The following PDE8B variants were observed in gnomAD, a reference collection of about 807,000 sequenced individuals.
The protein encoded by PDE8B is phosphodiesterase 8B, also known as high affinity cAMP-specific and IBMX-insensitive 3',5'-cyclic phosphodiesterase 8B.
PDE8B carries 26 observed loss-of-function variants against 101.3 expected under a neutral mutation model. The observed-to-expected ratio is 0.26, with a 90% CI of 0.19 to 0.36. PDE8B has a LOEUF of 0.36. PDE8B is among the 10% of genes least tolerant of loss of function. The probability of loss-of-function intolerance (pLI) is 1.00; values close to 1 mark genes in which losing one functional copy is unlikely to be tolerated. For missense variants in PDE8B, 810 were observed against 1,163.1 expected (o/e 0.70, Z 4.42); for synonymous variants, 424 against 429.3 (o/e 0.99, Z 0.15).
chr5:77,265,819 T>G (rs534599225), intron 1 of PDE8B, among the ~76,000 whole-genome samples: 1 of 152,232 alleles, frequency 6.6e-6, no homozygotes, highest in Admixed American at 6.5e-5. Context: ...TTAAATATCC[T>G]TCATATAAAA....
rs1794888028 is a variant in PDE8B, at chr5:77,413,164, T to G, written c.1766T>G (p.Phe589Cys). Residue 589 changes from phenylalanine (F) to cysteine (C), a missense_variant, in exon 17 of 22, where the codon TTT becomes TGT. By Grantham distance (205) the Phe-to-Cys change is radical. Around this residue, in one of 4 missense-constraint regions of PDE8B, gnomAD observed 325 missense variants for 560.9 expected, o/e 0.58. Transcript: ENST00000264917. Reference protein sequence around the residue: ...KVFSRFGVCEFLNCSETTLRA... With the variant: ...KVFSRFGVCECLNCSETTLRA... ...TTCTCTCGGTTTGGAGTATGTGAAT[T>G]TTTAAACTGTTCTGAAACCACTCTT... The G allele has an allele frequency of 6.2e-7, 1 of 1,613,900 alleles. No individual in the cohort carries two copies. Among genetic ancestry groups the G allele is most frequent in the South Asian group, 1.1e-5 (1 of 91,084 alleles).
intron 6 of PDE8B, among the ~76,000 whole-genome samples, chr5:77,341,261 G>A (rs1052346186): frequency 2.0e-5 from 3 of 152,098 alleles, no homozygotes; most frequent in East Asian, 1.9e-4. Context: ...TGTTTGTTGT[G>A]GGGGGCAGGG....
At chr5:77,336,175 T>G (rs776905797) in intron 5 of PDE8B, among the ~76,000 whole-genome samples, 1 of 152,218 alleles carries the variant, frequency 6.6e-6, no homozygotes, top group Non-Finnish European at 1.5e-5. Context: ...TCACTAAGTT[T>G]ATTTATAAAT....
intron 1 of PDE8B, among the ~76,000 whole-genome samples, chr5:77,231,518 T>C (rs1279106224): frequency 6.6e-6 from 1 of 152,220 alleles, no homozygotes; most frequent in Non-Finnish European, 1.5e-5. Flanking sequence ...TGTGTGATAA[T>C]CAGAGAAAGT....
the PDE8B span, chr5:77,139,214 G>GC: frequency 2.0e-5 from 3 of 152,228 alleles, no homozygotes; most frequent in African/African-American, 4.8e-5. Flanking sequence ...TCTGCAGGGA[G>GC]CCCCCCTGGA....
chr5:77,096,898 T>C, the PDE8B span, among the ~76,000 whole-genome samples: 1 of 152,168 alleles, frequency 6.6e-6, no homozygotes. Context: ...TATTTCCAGG[T>C]AAGGTCACAC....
intron 1 of PDE8B, among the ~76,000 whole-genome samples, chr5:77,306,384 C>T (rs573252284): frequency 2.0e-5 from 3 of 152,266 alleles, no homozygotes; most frequent in East Asian, 3.9e-4. Context: ...GTGAAAAAGA[C>T]AGAGACTATG....
At chr5:77,148,781 T>G in the PDE8B span, among the ~76,000 whole-genome samples, 1 of 152,216 alleles carries the variant, frequency 6.6e-6, no homozygotes, top group Non-Finnish European at 1.5e-5. Context: ...CAAAAGTCCT[T>G]TATCAAGTCT....
Position 77,409,040 on chromosome 5 carries a change from G to GT in PDE8B, c.1515dup (p.Gly506TrpfsTer6). The GT allele has an allele frequency of 2.5e-6, 4 of 1,613,998 alleles. No homozygotes were observed. The highest frequency in any genetic ancestry group is 1.3e-5 in the African/African-American group (1 of 75,038). ...TGAAGATCCCCACACCAGTGATCTT[G>GT]TTGGAGGCCTGATGACTGTGAGTGA... is the stretch of plus-strand genomic sequence containing the variant. On this transcript the variant is annotated frameshift_variant, in exon 14 of 22. Coordinates refer to ENST00000264917, the MANE Select transcript of PDE8B (RefSeq NM_003719.5). LOFTEE classifies it high-confidence loss of function.
chr5:77,362,138 G>A (rs1227834079), intron 10 of PDE8B, among the ~76,000 whole-genome samples: 2 of 152,192 alleles, frequency 1.3e-5, no homozygotes, highest in Admixed American at 6.5e-5. Flanking sequence ...TGGGAAAGCA[G>A]CAATAGATGA....
the PDE8B span, among the ~76,000 whole-genome samples, chr5:77,156,145 C>A: frequency 6.6e-6 from 1 of 152,132 alleles, no homozygotes; most frequent in East Asian, 1.9e-4. Context: ...TGATTAACAG[C>A]AGAGAGAGGT....
chr5:77,206,240 A>G (rs1356229162), upstream of PDE8B, among the ~76,000 whole-genome samples: 1 of 152,218 alleles, frequency 6.6e-6, no homozygotes, highest in East Asian at 1.9e-4. Flanking sequence ...CCATCAGTGA[A>G]TAAGAAGCCC....
At chr5:77,302,282 G>A (rs190141634) in intron 1 of PDE8B, among the ~76,000 whole-genome samples, 53 of 152,296 alleles carry the variant, frequency 3.5e-4, no homozygotes, top group African/African-American at 1.1e-3. Context: ...GGCACAGTGG[G>A]ATGTAGCATC....
chr5:77,364,453 C>T (rs1007599848), intron 10 of PDE8B, among the ~76,000 whole-genome samples: 1 of 152,130 alleles, frequency 6.6e-6, no homozygotes, highest in South Asian at 2.1e-4. Context: ...GGTATGGTTT[C>T]CTCTAGTGCC....
chr5:77,137,875 AG>A, the PDE8B span, among the ~76,000 whole-genome samples: 2 of 152,174 alleles, frequency 1.3e-5, no homozygotes, highest in African/African-American at 4.8e-5. Flanking sequence ...AGTCTGAGAA[AG>A]GCAAGGAGGA....
chr5:77,092,955 T>C, the PDE8B span, among the ~76,000 whole-genome samples: 2 of 152,144 alleles, frequency 1.3e-5, no homozygotes, highest in Non-Finnish European at 2.9e-5. Flanking sequence ...AAAATATTTA[T>C]CAAGATTGTC....
intron 10 of PDE8B, among the ~76,000 whole-genome samples, chr5:77,365,832 A>G (rs1380762080): frequency 6.6e-6 from 1 of 152,186 alleles, no homozygotes; most frequent in African/African-American, 2.4e-5. Flanking sequence ...TCCAGCACTT[A>G]GCATGAAGCC....
the PDE8B span, among the ~76,000 whole-genome samples, chr5:77,154,958 G>A: frequency 6.6e-6 from 1 of 152,174 alleles, no homozygotes; most frequent in Non-Finnish European, 1.5e-5. Flanking sequence ...GAGTCTGGAT[G>A]TTGCAGACTT....
At chr5:77,208,962 C>G (rs935945879), upstream of PDE8B, among the ~76,000 whole-genome samples, 3 of 152,182 alleles carry the variant, frequency 2.0e-5, no homozygotes, top group Non-Finnish European at 4.4e-5. Context: ...TCCCTCTGCT[C>G]AAGCTTGCCT....
Sources: gnomAD v4.1 joint callset for allele counts (sites outside exome capture counted in the v4.1 genomes callset) on GRCh38, gnomAD v4.1.1 for gene constraint, gnomAD v4.1.1 regional missense constraint, MANE v1.5 for transcripts, NCBI Gene and HGNC (gene_info 2026-07-23, HGNC 2026-07-21) for gene names.